Variants in TARS1 observed in about 807,000 individuals in gnomAD.
The protein encoded by TARS1 is threonine--tRNA ligase 1, cytoplasmic.
In TARS1, 57 loss-of-function variants were observed where a neutral mutation model predicts 97.7. That is an observed-to-expected ratio of 0.58 (90% CI 0.47 to 0.73). The LOEUF (loss-of-function observed/expected upper bound fraction) is 0.73. TARS1 is among the 30% of genes least tolerant of loss of function. TARS1 has a pLI of 0.00. For missense variants in TARS1, 806 were observed against 888.3 expected, an observed-to-expected ratio of 0.91 and a Z score of 1.18; for synonymous variants, 312 against 293.7, an observed-to-expected ratio of 1.06 and a Z score of -0.64.
rs1175225657 is a variant in TARS1, at chr5:33,453,372, C to T, written c.413C>T (p.Thr138Ile). Reference sequence around the variant, plus strand: ...GACCGCCCTCTGGAAGAAGATTGTACCTTGGAGCTTCTCAAGTTTGAGGAT... The same window carrying T: ...GACCGCCCTCTGGAAGAAGATTGTATCTTGGAGCTTCTCAAGTTTGAGGAT... Reference protein sequence around the residue: ...DLDRPLEEDCTLELLKFEDEE... With the variant: ...DLDRPLEEDCILELLKFEDEE... Residue 138 changes from threonine (T) to isoleucine (I), a missense_variant, in exon 4 of 19, where the codon ACC (threonine) becomes ATC (isoleucine). Thr to Ile is a moderately conservative substitution (Grantham distance 89). This residue lies in a region of TARS1 where 356 missense variants were observed against 357.8 expected (regional missense o/e 0.99). Coordinates refer to ENST00000265112, the MANE Select transcript of TARS1 (RefSeq NM_152295.5). The T allele has an allele frequency of 6.2e-7, 1 of 1,610,730 alleles. No homozygotes were observed. The highest frequency in any genetic ancestry group is 1.7e-5 in the Admixed American group (1 of 59,632).
intron 2 of TARS1, among the ~76,000 whole-genome samples, chr5:33,447,268 A>G (rs1741464744): frequency 6.6e-6 from 1 of 152,126 alleles, no homozygotes; most frequent in Non-Finnish European, 1.5e-5. Context: ...TTTGTTTGAG[A>G]CAAGGTCTCA....
intron 3 of TARS1, among the ~76,000 whole-genome samples, chr5:33,452,015 A>G (rs1391712414): frequency 2.0e-5 from 3 of 152,208 alleles, no homozygotes; most frequent in African/African-American, 7.2e-5. Context: ...AACCTATGGT[A>G]AAGTTAGTAG....
intron 10 of TARS1, among the ~76,000 whole-genome samples, chr5:33,458,966 T>C (rs963892015): frequency 6.6e-5 from 10 of 152,204 alleles, no homozygotes; most frequent in African/African-American, 2.4e-4. Flanking sequence ...GCTTTTTTCC[T>C]TTGTAAATTA....
rs1478956850 is a variant in TARS1, at chr5:33,467,768, A to C, written c.*60A>C. The C allele has an allele frequency of 2.6e-6, 4 of 1,545,942 alleles. No individual in the cohort carries two copies. Among genetic ancestry groups the C allele is most frequent in the Non-Finnish European group, 3.5e-6 (4 of 1,147,380 alleles). Reference sequence around the variant, plus strand: ...GAGGAACAGCGTTTCCGTAAAATTGACTTTGTACTCTGAAAACGTCAATTT... The same window carrying C: ...GAGGAACAGCGTTTCCGTAAAATTGCCTTTGTACTCTGAAAACGTCAATTT... On this transcript the variant is annotated 3_prime_UTR_variant, in exon 19 of 19. Coordinates refer to ENST00000265112, the MANE Select transcript of TARS1 (RefSeq NM_152295.5).
At chr5:33,440,951 T>C, upstream of TARS1, 1 of 989,922 alleles carries the variant, frequency 1.0e-6, no homozygotes, top group Non-Finnish European at 1.5e-6. Context: ...GGGGGCGGGG[T>C]TAGGGCGCCT....
At chr5:33,445,286 C>A in intron 1 of TARS1, 38 bp from the exon 2 acceptor site, 1 of 1,525,420 alleles carries the variant, frequency 6.6e-7, no homozygotes, top group Non-Finnish European at 9.0e-7. Context: ...GGAGGTGTCA[C>A]ATTAGATTAA....
At chr5:33,458,477 T>G (rs887265460) in intron 9 of TARS1, 89 bp from the exon 10 acceptor site, 17 of 1,074,622 alleles carry the variant, frequency 1.6e-5, no homozygotes, top group Admixed American at 2.3e-5. Context: ...ATGACCATAT[T>G]CTGAGCTCAA....
At chr5:33,441,322 T>C in intron 1 of TARS1, 179 bp downstream of exon 1, 2 of 651,820 alleles carry the variant, frequency 3.1e-6, no homozygotes, top group South Asian at 1.8e-5. Context: ...CATCCATTCA[T>C]AAATTAGGGT....
chr5:33,457,212 G>A lies in TARS1; in HGVS notation c.838-45G>A, dbSNP rs185806236. On this transcript the variant is annotated intron_variant, in intron 8 of 18. Coordinates refer to ENST00000265112, the MANE Select transcript of TARS1 (RefSeq NM_152295.5). ...AATTGGGAGTTAAAATAAGTGAGAT[G>A]TTTACAAATTTGAATGTTGTTTCAT... is the stretch of plus-strand genomic sequence containing the variant. 356 of 1,599,200 alleles carry A rather than the reference G, an allele frequency of 2.2e-4. 3 individuals carry two copies. The African/African-American group carries it at 4.3e-3, about 19-fold the overall frequency.
At chr5:33,455,165 A>C in intron 5 of TARS1, 99 bp downstream of exon 5, 19 of 1,438,618 alleles carry the variant, frequency 1.3e-5, no homozygotes, top group Non-Finnish European at 1.6e-5. Context: ...TATAGATCTC[A>C]CTGCTTCTTC....
At chr5:33,460,100 G>A (rs1742221069) in intron 11 of TARS1, 1 of 355,802 alleles carries the variant, frequency 2.8e-6, no homozygotes, top group African/African-American at 2.1e-5. Flanking sequence ...CACTGCAGCT[G>A]GGACTGCAGG....
chr5:33,459,694 G>A lies in TARS1; in HGVS notation c.1084-1G>A, dbSNP rs754062701. 2.5e-6 allele frequency: 4 copies of A among 1,613,946 alleles called. No homozygotes were observed. In the Admixed American group the frequency reaches 6.7e-5, roughly 27 times the overall value. Reference sequence around the variant, plus strand: ...ACATGTTTCTGTTTATTTTCTATCAGAGCGAATATAGGAAAAGAGGATTCC... The same window carrying A: ...ACATGTTTCTGTTTATTTTCTATCAAAGCGAATATAGGAAAAGAGGATTCC... On this transcript the variant is annotated splice_acceptor_variant, in intron 10 of 18. Transcript: ENST00000265112. LOFTEE classifies it high-confidence loss of function.
chr5:33,458,400 A>G (rs780964114), intron 9 of TARS1, among the ~76,000 whole-genome samples, 166 bp from the exon 10 acceptor site: 2 of 152,218 alleles, frequency 1.3e-5, no homozygotes, highest in African/African-American at 2.4e-5. Flanking sequence ...CTGCAATTCT[A>G]TAACATCAGA....
Position 33,467,568 on chromosome 5 carries a change from G to A in TARS1, c.2032G>A (p.Glu678Lys). 4 of 1,609,138 alleles carry A rather than the reference G, an allele frequency of 2.5e-6. No homozygotes were observed. The highest frequency in any genetic ancestry group is 3.4e-6 in the Non-Finnish European group (4 of 1,178,508). ...AQYNFILVVG[E>K]KEKISGTVNI... ...TTGTGTGTTTGTTTTAGTTGTTGGT[G>A]AAAAAGAGAAAATCAGTGGCACTGT... Residue 678 changes from glutamate (E) to lysine (K), a missense_variant, in exon 19 of 19, where the codon GAA (glutamate) becomes AAA (lysine). Physicochemically the swap from Glu to Lys is moderately conservative, Grantham distance 56. Coordinates refer to ENST00000265112, the MANE Select transcript of TARS1 (RefSeq NM_152295.5).
In TARS1 at chr5:33,457,374, A is replaced by G; in HGVS notation, c.955A>G (p.Lys319Glu). Reference sequence around the variant, plus strand: ...GTGGGAGAAGTTCCAAGAGGAAGCTAAAAACCGAGATCATAGGAAAATTGG... The same window carrying G: ...GTGGGAGAAGTTCCAAGAGGAAGCTGAAAACCGAGATCATAGGAAAATTGG... ...KEWEKFQEEA[K>E]NRDHRKIGRD... Residue 319 changes from lysine to glutamate, a missense_variant, in exon 9 of 19, where the codon AAA becomes GAA. Transcript: ENST00000265112. 3 of 1,614,118 alleles carry G rather than the reference A, an allele frequency of 1.9e-6. No individual in the cohort carries two copies. Among genetic ancestry groups the G allele is most frequent in the Non-Finnish European group, 1.7e-6 (2 of 1,179,990 alleles).
At chr5:33,448,754 C>T in intron 3 of TARS1, 23 bp downstream of exon 3, 1 of 1,528,984 alleles carries the variant, frequency 6.5e-7, no homozygotes, top group Non-Finnish European at 8.8e-7. Flanking sequence ...CCCATCATGA[C>T]CTTCCATAGT....
rs1385759041 is a variant in TARS1 at position 33,466,872 on chromosome 5, T to C, written c.1910T>C (p.Val637Ala). The change falls in exon 18 of 19, where the codon GTA becomes GCA. Residue 637 changes from valine to alanine, a missense_variant and splice_region_variant. Around this residue, in one of 3 missense-constraint regions of TARS1, gnomAD observed 446 missense variants for 511.0 expected, o/e 0.87. Coordinates refer to ENST00000265112, the MANE Select transcript of TARS1 (RefSeq NM_152295.5). The stretch of plus-strand genomic sequence containing the variant: ...AATTCTGTATCTCTGTTACAATAGG[T>C]ACGACAACAATTCCACGATGCCAAA... ...GPTCDEYAQK[V>A]RQQFHDAKFM... The C allele has an allele frequency of 6.3e-7, 1 of 1,594,190 alleles. No individual in the cohort carries two copies. The highest frequency in any genetic ancestry group is 1.1e-5 in the South Asian group (1 of 88,062).
chr5:33,448,897 G>A (rs1741565018), intron 3 of TARS1, among the ~76,000 whole-genome samples, 166 bp downstream of exon 3: 1 of 152,100 alleles, frequency 6.6e-6, no homozygotes, highest in Non-Finnish European at 1.5e-5. Flanking sequence ...AAATGATACA[G>A]AGCTTTGTAG....
Position 33,466,851 on chromosome 5 carries a change from C to A in TARS1, c.1909-20C>A. 6.5e-7 allele frequency: 1 copy of A among 1,539,390 alleles called. No individual in the cohort carries two copies. Among genetic ancestry groups the A allele is most frequent in the Non-Finnish European group, 8.9e-7 (1 of 1,124,900 alleles). ...ATTCTGATTTTAGATCTGACAAATT[C>A]TGTATCTCTGTTACAATAGGTACGA... On this transcript the variant is annotated intron_variant, in intron 17 of 18. Coordinates refer to ENST00000265112, the MANE Select transcript of TARS1 (RefSeq NM_152295.5).
Sources: allele counts gnomAD v4.1 joint callset (sites outside exome capture counted in the v4.1 genomes callset), GRCh38; gene constraint gnomAD v4.1.1; regional missense constraint gnomAD v4.1.1; transcripts MANE v1.5; gene names NCBI Gene and HGNC (gene_info 2026-07-23, HGNC 2026-07-21).